Variants in CCDC102B observed in about 807,000 individuals in gnomAD.
CCDC102B encodes coiled-coil domain containing 102B.
In CCDC102B, 75 loss-of-function variants were observed where a neutral mutation model predicts 57.4. The observed-to-expected ratio is 1.31, with a 90% CI of 1.08 to 1.58. The LOEUF is 1.58. Among genes scored for constraint, CCDC102B ranks in the 40% most tolerant of loss-of-function variants. The pLI is 0.00. For missense variants in CCDC102B, 636 were observed against 582.6 expected (o/e 1.09, Z -0.94); for synonymous variants, 206 against 201.9 (o/e 1.02, Z -0.17).
At chr18:68,790,806 G>A (rs1410890328) in intron 2 of CCDC102B, among the ~76,000 whole-genome samples, 6 of 152,214 alleles carry the variant, frequency 3.9e-5, no homozygotes, top group African/African-American at 1.4e-4. Context: ...GCTCACGCTG[G>A]GAGCTGTAGA....
chr18:69,042,926 GAC>G (rs1312597099), intron 7 of CCDC102B, among the ~76,000 whole-genome samples: 1 of 152,064 alleles, frequency 6.6e-6, no homozygotes, highest in African/African-American at 2.4e-5. Flanking sequence ...AAAAGAAAAA[GAC>G]ACAGAGACAA....
intron 2 of CCDC102B, among the ~76,000 whole-genome samples, chr18:68,787,375 A>G (rs1001242516): frequency 1.3e-5 from 2 of 151,216 alleles, no homozygotes; most frequent in South Asian, 2.1e-4. Flanking sequence ...CTCTTTTTCT[A>G]TTGATTGGAA....
At chr18:68,803,718 C>A (rs183680441) in intron 1 of CCDC102B, among the ~76,000 whole-genome samples, 1 of 145,874 alleles carries the variant, frequency 6.9e-6, no homozygotes. Context: ...GCATTTTTTG[C>A]CATTACTTTC....
chr18:68,848,078 G>C (rs1160843608), intron 4 of CCDC102B, among the ~76,000 whole-genome samples: 1 of 151,574 alleles, frequency 6.6e-6, no homozygotes, highest in Non-Finnish European at 1.5e-5. Flanking sequence ...CTTAGAATGA[G>C]TTTAATTATT....
chr18:68,765,340 A>AG (rs2034415112), intron 2 of CCDC102B, among the ~76,000 whole-genome samples: 2 of 128,258 alleles, frequency 1.6e-5, no homozygotes, highest in African/African-American at 5.9e-5. Flanking sequence ...AAAGAAAGAA[A>AG]GAAAGAAAGA....
At chr18:68,974,517 T>C (rs2050383597) in intron 6 of CCDC102B, among the ~76,000 whole-genome samples, 1 of 152,080 alleles carries the variant, frequency 6.6e-6, no homozygotes, top group African/African-American at 2.4e-5. Context: ...CATTTTCCCA[T>C]TTTATTGACA....
chr18:68,941,227 T>C (rs1229581424), intron 6 of CCDC102B, among the ~76,000 whole-genome samples: 1 of 149,126 alleles, frequency 6.7e-6, no homozygotes, highest in Admixed American at 6.8e-5. Context: ...GTGGGGAAAA[T>C]GAAAAAAGAA....
intron 7 of CCDC102B, among the ~76,000 whole-genome samples, chr18:69,023,662 A>G (rs1389128094): frequency 6.6e-6 from 1 of 152,128 alleles, no homozygotes; most frequent in East Asian, 1.9e-4. Flanking sequence ...AGTAAATGAC[A>G]TGACCATAGT....
At chr18:68,988,575 AG>A (rs1419798512) in intron 6 of CCDC102B, among the ~76,000 whole-genome samples, 2 of 151,946 alleles carry the variant, frequency 1.3e-5, no homozygotes, top group Admixed American at 6.6e-5. Context: ...ACAAAAAAAA[AG>A]GAAAAAAAAG....
intron 4 of CCDC102B, among the ~76,000 whole-genome samples, chr18:68,870,733 T>C (rs2039208310): frequency 6.6e-6 from 1 of 152,170 alleles, no homozygotes; most frequent in African/African-American, 2.4e-5. Flanking sequence ...TCGGGGAGAT[T>C]GAATAATTCT....
At chr18:68,792,095 T>C (rs1043336956) in intron 2 of CCDC102B, among the ~76,000 whole-genome samples, 12 of 152,200 alleles carry the variant, frequency 7.9e-5, no homozygotes, top group African/African-American at 2.9e-4. Context: ...TACATCCTAC[T>C]ATTATTAACC....
At chr18:68,898,432 A>G (rs555958912) in intron 6 of CCDC102B, among the ~76,000 whole-genome samples, 1 of 152,086 alleles carries the variant, frequency 6.6e-6, no homozygotes, top group Non-Finnish European at 1.5e-5. Flanking sequence ...CTAAAGTTAA[A>G]TGTTATAGTC....
At chr18:68,781,524 G>A (rs2035007412) in intron 2 of CCDC102B, among the ~76,000 whole-genome samples, 2 of 152,226 alleles carry the variant, frequency 1.3e-5, no homozygotes, top group East Asian at 3.9e-4. Context: ...CAGGTATCCA[G>A]GCTGTCCTCC....
At chr18:69,005,891 CTG>C (rs992401333) in intron 6 of CCDC102B, among the ~76,000 whole-genome samples, 30 of 151,708 alleles carry the variant, frequency 2.0e-4, no homozygotes, top group African/African-American at 7.2e-4. Context: ...TATAAAAGAA[CTG>C]TGAATTGTAT....
intron 6 of CCDC102B, among the ~76,000 whole-genome samples, chr18:68,994,990 A>G (rs565475845): frequency 6.6e-6 from 1 of 152,330 alleles, no homozygotes; most frequent in African/African-American, 2.4e-5. Context: ...AGACTTGTTG[A>G]ATGGTTTTGA....
chr18:68,941,924 T>A (rs1599725769), intron 6 of CCDC102B, among the ~76,000 whole-genome samples: 1 of 152,264 alleles, frequency 6.6e-6, no homozygotes, highest in Middle Eastern at 3.4e-3. Context: ...GGTTTCTTTT[T>A]TCCCAGTGGT....
intron 3 of CCDC102B, 42 bp from the exon 4 acceptor site, chr18:68,846,271 A>G: frequency 7.6e-7 from 1 of 1,314,396 alleles, no homozygotes; most frequent in Non-Finnish European, 1.0e-6. Flanking sequence ...GTATTTTAAA[A>G]TTGAAGCCGA....
chr18:68,978,660 G>A (rs1180394917), intron 6 of CCDC102B, among the ~76,000 whole-genome samples: 1 of 151,924 alleles, frequency 6.6e-6, no homozygotes, highest in Non-Finnish European at 1.5e-5. Flanking sequence ...CCATAGTGTA[G>A]CAAAATGTAA....
intron 4 of CCDC102B, among the ~76,000 whole-genome samples, chr18:68,860,475 CAAAAAA>C (rs1169097862): frequency 1.1e-4 from 6 of 53,058 alleles, no homozygotes; most frequent in African/African-American, 2.4e-4. Context: ...AAAACAAAAA[CAAAAAA>C]AAAAAAAGAC....
Sources: allele counts gnomAD v4.1 joint callset (sites outside exome capture counted in the v4.1 genomes callset), GRCh38; gene constraint gnomAD v4.1.1; transcripts MANE v1.5; gene names NCBI Gene and HGNC (gene_info 2026-07-23, HGNC 2026-07-21).